Variants in FBXO10 observed in about 807,000 individuals in gnomAD.
FBXO10 encodes F-box protein 10, also known as F-box only protein 10.
FBXO10 carries 39 observed loss-of-function variants against 80.7 expected under a neutral mutation model. The ratio of observed to expected loss-of-function variants is 0.48; its 90% CI spans 0.37 to 0.63. FBXO10 has a LOEUF of 0.63. Ranked by LOEUF, FBXO10 falls within the 30% of genes least tolerant of loss-of-function variation. The pLI, the probability that FBXO10 is intolerant of heterozygous loss-of-function variation, is 0.00. For missense variants in FBXO10, 1,025 were observed against 1,269.0 expected (o/e 0.81, Z 2.92); for synonymous variants, 449 against 489.6 (o/e 0.92, Z 1.09).
chr9:37,516,404 C>T (rs959411705), intron 9 of FBXO10, among the ~76,000 whole-genome samples: 2 of 152,200 alleles, frequency 1.3e-5, no homozygotes, highest in Admixed American at 6.5e-5. Context: ...GGCAACCCAA[C>T]TGAGACGAAA....
intron 1 of FBXO10, among the ~76,000 whole-genome samples, chr9:37,560,640 T>C (rs1822455151): frequency 6.6e-6 from 1 of 151,980 alleles, no homozygotes; most frequent in African/African-American, 2.4e-5. Context: ...CTTTTTATTT[T>C]ATTTTTTTTA....
chr9:37,517,977 A>G (rs1352172398), intron 9 of FBXO10, 148 bp downstream of exon 9: 3 of 863,034 alleles, frequency 3.5e-6, no homozygotes, highest in African/African-American at 3.4e-5. Flanking sequence ...TCCCACCCAC[A>G]TTTCCCAGGC....
In FBXO10 at chr9:37,537,270, G is replaced by A. The variant is rs1182558248; in HGVS notation, c.1259C>T (p.Ala420Val). The A allele has an allele frequency of 1.2e-6, 2 of 1,613,692 alleles. No individual in the cohort carries two copies. Among genetic ancestry groups the A allele is most frequent in the East Asian group, 2.2e-5 (1 of 44,896 alleles). Residue 420 changes from alanine to valine, a missense_variant, in exon 3 of 11, where the codon GCC becomes GTC. Transcript: ENST00000432825. ...LQQELQKDKE[A>V]MALANSVQGC... ...CTGCACGGAGTTGGCCAGTGCCATG[G>A]CCTCCTTATCCTTCTGCAGCTCCTG... is the stretch of plus-strand genomic sequence containing the variant.
intron 1 of FBXO10, among the ~76,000 whole-genome samples, chr9:37,571,874 C>T (rs1054884566): frequency 4.6e-5 from 7 of 151,556 alleles, no homozygotes; most frequent in African/African-American, 1.7e-4. Flanking sequence ...GTAGCTCACA[C>T]CTGTAATCCC....
intron 1 of FBXO10, among the ~76,000 whole-genome samples, chr9:37,568,353 ACGC>A (rs1166949888): frequency 1.3e-5 from 2 of 151,738 alleles, no homozygotes; most frequent in Non-Finnish European, 2.9e-5. Flanking sequence ...GCCTGCCACC[ACGC>A]CTGACTAATT....
intron 3 of FBXO10, among the ~76,000 whole-genome samples, chr9:37,534,455 C>T (rs555030092): frequency 1.2e-4 from 18 of 152,022 alleles, no homozygotes; most frequent in African/African-American, 3.1e-4. Context: ...AGTGAGACTC[C>T]GTCTCAAAAA....
At position 37,542,030 on chromosome 9, in the gene FBXO10, T is replaced by C. The variant is rs139842481; in HGVS notation, c.-6-256A>G. 1.3e-3 allele frequency among the ~76,000 whole-genome samples: 194 copies of C among 151,974 alleles called. 1 individual carries two copies. The highest frequency in any genetic ancestry group is 4.6e-3 in the African/African-American group (190 of 41,468). ...TTTTAGTAGAGACCAGGTTTCTCCA[T>C]GTTGGTCAGGCTGGTCTCAAATTCC... On this transcript the variant is annotated intron_variant, in intron 1 of 10. Transcript: ENST00000432825.
chr9:37,568,693 CGTGGTCTAAGGTCGGAGTTCAT>C (rs1216114683), intron 1 of FBXO10, among the ~76,000 whole-genome samples: 14 of 151,482 alleles, frequency 9.2e-5, no homozygotes, highest in African/African-American at 3.2e-4. Context: ...TCGGAGTTCA[CGTGGTCTAAGGTCGGAGTTCAT>C]GTGGTCTAAG....
intron 4 of FBXO10, among the ~76,000 whole-genome samples, chr9:37,529,837 CT>C (rs34740759): frequency 1.9e-3 from 263 of 140,706 alleles, no homozygotes; most frequent in Admixed American, 3.0e-3. Context: ...CAAGAGATAT[CT>C]TTTTTTTTTT....
intron 1 of FBXO10, among the ~76,000 whole-genome samples, chr9:37,566,981 G>T (rs12553719): frequency 0.23 from 35,573 of 152,050 alleles, 5,444 homozygotes; most frequent in East Asian, 0.68. Flanking sequence ...GTTCATTTTG[G>T]TTTACTTAGG....
chr9:37,513,000 C>T (rs1458069167), intron 10 of FBXO10, among the ~76,000 whole-genome samples: 1 of 152,240 alleles, frequency 6.6e-6, no homozygotes, highest in African/African-American at 2.4e-5. Context: ...TTGAGACACT[C>T]TGTTGCCCAG....
chr9:37,541,795 A>G, intron 1 of FBXO10, 21 bp from the exon 2 acceptor site: 2 of 1,533,834 alleles, frequency 1.3e-6, no homozygotes, highest in Non-Finnish European at 1.8e-6. Context: ...GACACAAAAC[A>G]AAAGAGATTT....
intron 9 of FBXO10, 74 bp downstream of exon 9, chr9:37,518,051 A>G (rs1821229090): frequency 6.9e-7 from 1 of 1,443,024 alleles, no homozygotes; most frequent in African/African-American, 1.4e-5. Flanking sequence ...TGTTCTCAGC[A>G]GAGGCCACGA....
chr9:37,538,041 G>A lies in FBXO10; in HGVS notation c.586-98C>T, dbSNP rs1259473251. 5.5e-6 allele frequency: 5 copies of A among 915,720 alleles called. No homozygotes were observed. In the African/African-American group the frequency reaches 8.2e-5, roughly 15 times the overall value. The allele number at this position is 915,720 out of a possible 1,614,324, so 56.7% of individuals were successfully genotyped here. A position where few individuals can be genotyped will look rare whatever the true frequency, so the allele number is the denominator to read the frequency against. On this transcript the variant is annotated intron_variant, in intron 2 of 10. Coordinates refer to ENST00000432825, the MANE Select transcript of FBXO10 (RefSeq NM_012166.3). ...AGGGTAGAACATGGAAAGGCCATTT[G>A]TTCTGCTGATCATCTTCCCCTCCCC...
chr9:37,566,476 A>AAAG (rs1822610069), intron 1 of FBXO10, among the ~76,000 whole-genome samples: 1 of 149,644 alleles, frequency 6.7e-6, no homozygotes, highest in African/African-American at 2.4e-5. Flanking sequence ...AAAAAAAAAA[A>AAAG]GTGGAAAAAA....
chr9:37,521,545 C>G, intron 8 of FBXO10, 24 bp downstream of exon 8: 1 of 1,530,522 alleles, frequency 6.5e-7, no homozygotes, highest in Non-Finnish European at 8.8e-7. Context: ...GGTTCTTGAG[C>G]AGGGGCTGAG....
intron 1 of FBXO10, among the ~76,000 whole-genome samples, chr9:37,574,517 A>G (rs1024072573): frequency 6.6e-6 from 1 of 152,244 alleles, no homozygotes; most frequent in Non-Finnish European, 1.5e-5. Flanking sequence ...AGAAAGACAA[A>G]GAAATCCAAG....
At chr9:37,513,802 C>G (rs1172977022) in intron 10 of FBXO10, among the ~76,000 whole-genome samples, 1 of 152,080 alleles carries the variant, frequency 6.6e-6, no homozygotes, top group Non-Finnish European at 1.5e-5. Context: ...GTTGGCCAGG[C>G]TGGTCTCGAA....
intron 2 of FBXO10, among the ~76,000 whole-genome samples, chr9:37,540,900 C>G (rs1483974806): frequency 6.6e-6 from 1 of 152,206 alleles, no homozygotes; most frequent in African/African-American, 2.4e-5. Flanking sequence ...CGCTGCTAGA[C>G]TGGTGGCTCC....
Sources: allele counts gnomAD v4.1 joint callset (sites outside exome capture counted in the v4.1 genomes callset), GRCh38; gene constraint gnomAD v4.1.1; transcripts MANE v1.5; gene names NCBI Gene and HGNC (gene_info 2026-07-23, HGNC 2026-07-21).